Variants in DNM3 observed in about 807,000 individuals in gnomAD.
DNM3 encodes the protein dynamin-3.
A neutral mutation model predicts 101.6 loss-of-function variants in DNM3; 47 were observed. The observed-to-expected ratio is 0.46, with a 90% confidence interval of 0.37 to 0.59. The LOEUF (loss-of-function observed/expected upper bound fraction) is 0.59, where lower values mean the gene tolerates loss of function less well. DNM3 is among the 20% of genes least tolerant of loss of function. DNM3 has a pLI of 0.00. For missense variants in DNM3, 849 were observed against 1,085.7 expected (o/e 0.78, Z 3.06); for synonymous variants, 385 against 387.9 (o/e 0.99, Z 0.09).
intron 1 of DNM3, among the ~76,000 whole-genome samples, chr1:171,852,421 T>C (rs965453962): frequency 8.5e-5 from 13 of 152,214 alleles, no homozygotes; most frequent in African/African-American, 3.1e-4. Context: ...AAGAATCATA[T>C]GTTGAGAGTC....
chr1:171,841,595 CT>C lies in DNM3; in HGVS notation c.-61del. ...AGCAGCAGCCAGGGCAGCGCGGCCC[CT>C]ACTCCCTGTCAGGTCGTAGAGGCGA... On this transcript the variant is annotated 5_prime_UTR_variant, in exon 1 of 21. Transcript: ENST00000627582. 6.4e-7 allele frequency: 1 copy of C among 1,562,418 alleles called. No individual in the cohort carries two copies. The highest frequency in any genetic ancestry group is 1.4e-5 in the African/African-American group (1 of 73,728).
intron 15 of DNM3, among the ~76,000 whole-genome samples, chr1:172,307,293 A>G (rs994706086): frequency 6.6e-6 from 1 of 152,252 alleles, no homozygotes; most frequent in African/African-American, 2.4e-5. Flanking sequence ...ATCACTGATC[A>G]TCAGAGAAAT....
chr1:172,025,004 C>T (rs1453951009), intron 4 of DNM3, among the ~76,000 whole-genome samples: 3 of 152,220 alleles, frequency 2.0e-5, no homozygotes, highest in Non-Finnish European at 4.4e-5. Context: ...GGTGGTCTAG[C>T]TCAGCGGATC....
At chr1:172,363,706 C>T (rs1300460232) in intron 17 of DNM3, among the ~76,000 whole-genome samples, 2 of 151,804 alleles carry the variant, frequency 1.3e-5, no homozygotes, top group East Asian at 3.9e-4. Flanking sequence ...CTTTCAAGCC[C>T]ACCACATGTC....
At chr1:172,011,236 C>T (rs748432633) in intron 4 of DNM3, among the ~76,000 whole-genome samples, 19 of 151,776 alleles carry the variant, frequency 1.3e-4, no homozygotes, top group Non-Finnish European at 2.8e-4. Flanking sequence ...ATTCCCATCC[C>T]TTTGTGAGCT....
intron 15 of DNM3, among the ~76,000 whole-genome samples, chr1:172,293,039 C>T (rs1379844549): frequency 2.0e-5 from 3 of 152,138 alleles, no homozygotes; most frequent in Admixed American, 6.5e-5. Context: ...CGTGTAGCCT[C>T]CCTGGAGGCC....
chr1:171,892,298 T>G (rs1037643182), intron 1 of DNM3, among the ~76,000 whole-genome samples: 3 of 152,174 alleles, frequency 2.0e-5, no homozygotes, highest in African/African-American at 7.2e-5. Context: ...GGAGCCCTGG[T>G]TCTTTTGTTT....
In DNM3 at chr1:172,408,732, T is replaced by TATTA; in HGVS notation, c.*892_*895dup. On this transcript the variant is annotated 3_prime_UTR_variant, in exon 21 of 21. Coordinates refer to ENST00000627582, the MANE Select transcript of DNM3 (RefSeq NM_015569.5). ...ACTTTGATACTAACTCCAGTTTTACTATTATTATTTTGGTTGGAAAAAAAA... is the reference window on the plus strand; with the variant it reads ...ACTTTGATACTAACTCCAGTTTTACTATTAATTATTATTTTGGTTGGAAAAAAAA... 1.0e-6 allele frequency: 1 copy of TATTA among 984,890 alleles called. No homozygotes were observed. The highest frequency in any genetic ancestry group is 1.2e-6 in the Non-Finnish European group (1 of 829,436). The allele number at this position is 984,890 out of a possible 1,614,324, so 61.0% of individuals were successfully genotyped here.
chr1:171,862,851 G>C (rs2034320464), intron 1 of DNM3, among the ~76,000 whole-genome samples: 1 of 152,054 alleles, frequency 6.6e-6, no homozygotes. Flanking sequence ...GCCCAAGAAG[G>C]AGAGGCCAAA....
At chr1:172,143,860 C>G (rs944550704) in intron 14 of DNM3, among the ~76,000 whole-genome samples, 6 of 152,114 alleles carry the variant, frequency 3.9e-5, no homozygotes, top group Non-Finnish European at 7.4e-5. Flanking sequence ...GTAGGCAAGA[C>G]TTGGCAGGTT....
At chr1:172,073,650 A>G (rs1414430256) in intron 11 of DNM3, among the ~76,000 whole-genome samples, 1 of 152,148 alleles carries the variant, frequency 6.6e-6, no homozygotes, top group Non-Finnish European at 1.5e-5. Flanking sequence ...GATGCGTTCA[A>G]ATGCTACCTT....
chr1:172,319,705 T>G (rs1384232086), intron 16 of DNM3, among the ~76,000 whole-genome samples: 3 of 152,166 alleles, frequency 2.0e-5, no homozygotes, highest in African/African-American at 4.8e-5. Context: ...CCAGTTAGAA[T>G]GGCAATCATT....
intron 2 of DNM3, among the ~76,000 whole-genome samples, chr1:171,938,434 G>T (rs2041597509): frequency 6.6e-6 from 1 of 152,122 alleles, no homozygotes; most frequent in Non-Finnish European, 1.5e-5. Flanking sequence ...GGTCCCCATG[G>T]AGTGTCAGAC....
chr1:172,209,780 AT>A (rs1255709857), intron 14 of DNM3, among the ~76,000 whole-genome samples: 1 of 151,918 alleles, frequency 6.6e-6, no homozygotes, highest in African/African-American at 2.4e-5. Flanking sequence ...TTCCCAGGCC[AT>A]TTTTTTCCTC....
At chr1:172,044,763 CATAATTAA>C (rs762654279) in intron 9 of DNM3, among the ~76,000 whole-genome samples, 5 of 152,200 alleles carry the variant, frequency 3.3e-5, no homozygotes, top group Non-Finnish European at 7.3e-5. Context: ...CAGACATGCT[CATAATTAA>C]TCATTACTTA....
intron 13 of DNM3, among the ~76,000 whole-genome samples, chr1:172,111,270 T>C (rs2055458192): frequency 6.6e-6 from 1 of 152,190 alleles, no homozygotes; most frequent in Non-Finnish European, 1.5e-5. Flanking sequence ...CTGCTACATG[T>C]TTACAGTAGC....
At chr1:172,148,572 T>C (rs1292401445) in intron 14 of DNM3, among the ~76,000 whole-genome samples, 1 of 152,142 alleles carries the variant, frequency 6.6e-6, no homozygotes, top group African/African-American at 2.4e-5. Context: ...TTTTTGGCCT[T>C]CTAATGTTCT....
chr1:171,914,257 A>G lies in DNM3; in HGVS notation c.162-7491A>G, dbSNP rs576137275. ...ACCGCAACCTCCGCCTCCTGGGTTCAAGGGATTCTCCTATCTCAGCCTCCC... is the reference window on the plus strand; with the variant it reads ...ACCGCAACCTCCGCCTCCTGGGTTCGAGGGATTCTCCTATCTCAGCCTCCC... On this transcript the variant is annotated intron_variant, in intron 1 of 20. Coordinates refer to ENST00000627582, the MANE Select transcript of DNM3 (RefSeq NM_015569.5). Among the ~76,000 whole-genome samples, 6 of 152,198 alleles carry G rather than the reference A, an allele frequency of 3.9e-5. No homozygotes were observed. In the East Asian group the frequency reaches 9.7e-4, roughly 25 times the overall value.
intron 2 of DNM3, among the ~76,000 whole-genome samples, chr1:171,986,811 A>G (rs1368490425): frequency 6.6e-6 from 1 of 152,152 alleles, no homozygotes; most frequent in Non-Finnish European, 1.5e-5. Context: ...TAGATAAACT[A>G]AAATCTTTGT....
Sources: allele counts gnomAD v4.1 joint callset (sites outside exome capture counted in the v4.1 genomes callset), GRCh38; gene constraint gnomAD v4.1.1; transcripts MANE v1.5; gene names NCBI Gene and HGNC (gene_info 2026-07-23, HGNC 2026-07-21).